The following STXBP5 variants were observed in gnomAD, a reference collection of about 807,000 sequenced individuals.
The protein encoded by STXBP5 is syntaxin-binding protein 5.
STXBP5 carries 50 observed loss-of-function variants against 152.4 expected under a neutral mutation model. The ratio of observed to expected loss-of-function variants is 0.33; its 90% CI spans 0.26 to 0.42. The LOEUF (loss-of-function observed/expected upper bound fraction) is 0.42. Among genes scored for constraint, STXBP5 ranks in the 10% least tolerant of loss-of-function variants. The pLI is 1.00. For missense variants in STXBP5, 1,167 were observed against 1,388.6 expected, an observed-to-expected ratio of 0.84 and a Z score of 2.54; for synonymous variants, 492 against 494.7, an observed-to-expected ratio of 0.99 and a Z score of 0.07.
At chr6:147,338,430 C>T (rs138346827) in intron 19 of STXBP5, among the ~76,000 whole-genome samples, 66 of 151,776 alleles carry the variant, frequency 4.3e-4, no homozygotes, top group Non-Finnish European at 7.4e-4. Context: ...GATGTCCAAA[C>T]GTGATCAACC....
chr6:147,220,091 CA>C lies in STXBP5; in HGVS notation c.248+14027del, dbSNP rs575805349. Among the ~76,000 whole-genome samples, 6 of 151,826 alleles carry C rather than the reference CA, an allele frequency of 4.0e-5. No homozygotes were observed. The South Asian group carries it at 1.0e-3, about 26-fold the overall frequency. Reference sequence around the variant, plus strand: ...AAGTTGTTTTCATTTTTATTTAGTTCAAAACATTTAAAAAATTCTCTCTTAA... The same window carrying C: ...AAGTTGTTTTCATTTTTATTTAGTTCAAACATTTAAAAAATTCTCTCTTAA... On this transcript the variant is annotated intron_variant, in intron 2 of 27. Transcript: ENST00000321680.
intron 5 of STXBP5, among the ~76,000 whole-genome samples, chr6:147,261,287 T>A (rs1779626959): frequency 6.6e-6 from 1 of 152,056 alleles, no homozygotes; most frequent in South Asian, 2.1e-4. Flanking sequence ...TGTTTTCATT[T>A]ACTAATATTA....
intron 7 of STXBP5, 145 bp from the exon 8 acceptor site, chr6:147,277,936 C>A: frequency 3.0e-6 from 2 of 659,808 alleles, no homozygotes; most frequent in Non-Finnish European, 2.4e-6. Flanking sequence ...TACAAGAGGG[C>A]CAAATTATTA....
At chr6:147,217,043 A>C (rs1350787763) in intron 2 of STXBP5, among the ~76,000 whole-genome samples, 1 of 152,196 alleles carries the variant, frequency 6.6e-6, no homozygotes, top group African/African-American at 2.4e-5. Flanking sequence ...TTGAGTGCTT[A>C]ATCCTGCTCT....
chr6:147,250,883 G>A (rs979388805), intron 4 of STXBP5, among the ~76,000 whole-genome samples: 5 of 148,192 alleles, frequency 3.4e-5, no homozygotes, highest in East Asian at 2.0e-4. Flanking sequence ...TAGGAGAATC[G>A]CTTGAACCTG....
In STXBP5 at chr6:147,311,462, A is replaced by G. The variant is rs369824467; in HGVS notation, c.1080A>G (p.Gln360=). 1.6e-4 allele frequency: 256 copies of G among 1,611,832 alleles called. No homozygotes were observed. The highest frequency in any genetic ancestry group is 2.0e-4 in the Non-Finnish European group (239 of 1,179,064). ...TGCATTGTCCAATTCCAGATTTTCAAGAACCATATGCTGTGGTTGTTCTTC... is the reference window on the plus strand; with the variant it reads ...TGCATTGTCCAATTCCAGATTTTCAGGAACCATATGCTGTGGTTGTTCTTC... ...LCETPYPNDF[Q]EPYAVVVLLE... is the part of the protein sequence containing the mutation. The change falls in exon 11 of 28, where the codon CAA becomes CAG. Residue 360 remains glutamine (Q), a synonymous_variant. Coordinates refer to ENST00000321680, the MANE Select transcript of STXBP5 (RefSeq NM_001127715.4).
At chr6:147,260,517 G>A (rs1018403154) in intron 4 of STXBP5, 98 bp from the exon 5 acceptor site, 11 of 1,343,092 alleles carry the variant, frequency 8.2e-6, no homozygotes, top group Non-Finnish European at 1.2e-5. Flanking sequence ...TACCAGTTTT[G>A]CTGTTCCTGA....
intron 4 of STXBP5, among the ~76,000 whole-genome samples, chr6:147,246,549 A>G (rs903960410): frequency 1.6e-4 from 25 of 152,196 alleles, no homozygotes; most frequent in Admixed American, 6.5e-5. Flanking sequence ...AGTACATTAA[A>G]CACCAGAAAA....
At chr6:147,323,181 A>G (rs961080322) in intron 16 of STXBP5, among the ~76,000 whole-genome samples, 8 of 152,122 alleles carry the variant, frequency 5.3e-5, no homozygotes, top group Admixed American at 1.3e-4. Context: ...CAGTGTTAAA[A>G]GTATTAATAG....
rs760048144 is a variant in STXBP5, at chr6:147,359,228, T to C, written c.2450T>C (p.Val817Ala). 6.2e-7 allele frequency: 1 copy of C among 1,614,004 alleles called. No homozygotes were observed. Among genetic ancestry groups the C allele is most frequent in the Non-Finnish European group, 8.5e-7 (1 of 1,179,938 alleles). Residue 817 changes from valine to alanine, a missense_variant, in exon 23 of 28, where the codon GTT (valine) becomes GCT (alanine). Val to Ala is a moderately conservative substitution (Grantham distance 64). Transcript: ENST00000321680. ...TCGTCCCCTTCCCCTTGTCTATGGGTTGGAACAACGCTAGGAACAGTGCTT... is the reference window on the plus strand; with the variant it reads ...TCGTCCCCTTCCCCTTGTCTATGGGCTGGAACAACGCTAGGAACAGTGCTT... ...TDSSPSPCLW[V>A]GTTLGTVLVI...
chr6:147,371,631 C>G (rs752332407), intron 25 of STXBP5, among the ~76,000 whole-genome samples: 1 of 152,114 alleles, frequency 6.6e-6, no homozygotes, highest in African/African-American at 2.4e-5. Flanking sequence ...AATTGAGAAT[C>G]AAATCCAGGT....
At chr6:147,336,092 T>TGTCTCTG in intron 19 of STXBP5, among the ~76,000 whole-genome samples, 1 of 152,296 alleles carries the variant, frequency 6.6e-6, no homozygotes, top group Admixed American at 6.5e-5. Context: ...CTGAAAAACA[T>TGTCTCTG]AGGAATTCTC....
chr6:147,296,262 AC>A (rs976859933), intron 9 of STXBP5, among the ~76,000 whole-genome samples: 1 of 151,772 alleles, frequency 6.6e-6, no homozygotes, highest in African/African-American at 2.4e-5. Context: ...TACTAGGTTC[AC>A]CCCCCAAGTC....
At chr6:147,302,567 A>G (rs1404868127) in intron 9 of STXBP5, among the ~76,000 whole-genome samples, 2 of 152,192 alleles carry the variant, frequency 1.3e-5, no homozygotes, top group Non-Finnish European at 2.9e-5. Flanking sequence ...CTGTAATCCC[A>G]GCACTTTGGG....
intron 11 of STXBP5, among the ~76,000 whole-genome samples, chr6:147,313,497 C>T (rs1218858253): frequency 6.6e-6 from 1 of 152,140 alleles, no homozygotes; most frequent in Non-Finnish European, 1.5e-5. Flanking sequence ...CATTTGTTAG[C>T]TCTGCTGACA....
rs999899454 is a variant in STXBP5, at chr6:147,204,810, A to G, written c.150+128A>G. On this transcript the variant is annotated intron_variant, in intron 1 of 27. Coordinates refer to ENST00000321680, the MANE Select transcript of STXBP5 (RefSeq NM_001127715.4). The surrounding 1 kb of genome is among the most constrained non-coding windows in gnomAD (Gnocchi z 4.3). ...AATAATAATAATAATAACTCTAATAAAAGGCTCGCTCCTCCCTTGGCAAAC... is the reference window on the plus strand; with the variant it reads ...AATAATAATAATAATAACTCTAATAGAAGGCTCGCTCCTCCCTTGGCAAAC... 2.8e-6 allele frequency: 3 copies of G among 1,081,412 alleles called. No individual in the cohort carries two copies. The African/African-American group carries it at 5.0e-5, about 18-fold the overall frequency. The allele number at this position is 1,081,412 out of a possible 1,614,324, so 67.0% of individuals were successfully genotyped here.
intron 7 of STXBP5, among the ~76,000 whole-genome samples, chr6:147,275,276 C>T (rs1241550072): frequency 2.0e-5 from 3 of 152,064 alleles, no homozygotes; most frequent in East Asian, 1.9e-4. Context: ...CTCATAGTTA[C>T]GATTTTTGTC....
At chr6:147,330,187 A>T (rs796804654) in intron 18 of STXBP5, among the ~76,000 whole-genome samples, 9 of 152,282 alleles carry the variant, frequency 5.9e-5, no homozygotes, top group African/African-American at 1.7e-4. Context: ...TATATCTGCT[A>T]AAAATCTGAT....
chr6:147,238,347 C>T (rs1400903206), intron 3 of STXBP5, among the ~76,000 whole-genome samples: 2 of 152,134 alleles, frequency 1.3e-5, no homozygotes, highest in Admixed American at 6.5e-5. Flanking sequence ...CTAATCCATC[C>T]TGTGAGGGAA....
Sources: allele counts gnomAD v4.1 joint callset (sites outside exome capture counted in the v4.1 genomes callset), GRCh38; gene constraint gnomAD v4.1.1; non-coding constraint Gnocchi (gnomAD v3.1); transcripts MANE v1.5; gene names NCBI Gene and HGNC (gene_info 2026-07-23, HGNC 2026-07-21).